Variants in HECW2 observed in about 807,000 individuals in gnomAD.
The protein encoded by HECW2 is E3 ubiquitin-protein ligase HECW2.
HECW2 carries 61 observed loss-of-function variants against 175.2 expected under a neutral mutation model. The observed-to-expected ratio is 0.35, with a 90% CI of 0.28 to 0.43. The LOEUF (loss-of-function observed/expected upper bound fraction) is 0.43, where lower values mean the gene tolerates loss of function less well. Ranked by LOEUF, HECW2 falls within the 20% of genes least tolerant of loss-of-function variation. The pLI, the probability that HECW2 is intolerant of heterozygous loss-of-function variation, is 1.00. For synonymous variants in HECW2, 671 were observed against 731.0 expected (o/e 0.92, Z 1.32); for missense variants, 1,524 against 2,000.5 (o/e 0.76, Z 4.54).
chr2:196,213,728 A>G (rs1308256985), intron 28 of HECW2, among the ~76,000 whole-genome samples: 1 of 152,216 alleles, frequency 6.6e-6, no homozygotes, highest in Admixed American at 6.5e-5. Flanking sequence ...ATAATGAAGA[A>G]TACCACCATT....
At chr2:196,237,453 A>G (rs1371853860) in intron 21 of HECW2, among the ~76,000 whole-genome samples, 11 of 152,118 alleles carry the variant, frequency 7.2e-5, no homozygotes, top group Non-Finnish European at 1.3e-4. Context: ...TTGGTTTTCC[A>G]TTCTTGAGTT....
At chr2:196,356,082 GA>G (rs1238109627) in intron 2 of HECW2, among the ~76,000 whole-genome samples, 1 of 152,202 alleles carries the variant, frequency 6.6e-6, no homozygotes, top group Non-Finnish European at 1.5e-5. Context: ...CAGAGAGTGG[GA>G]GAAGAAGACA....
At chr2:196,386,064 G>A (rs890233918) in intron 2 of HECW2, among the ~76,000 whole-genome samples, 5 of 152,110 alleles carry the variant, frequency 3.3e-5, no homozygotes, top group African/African-American at 4.8e-5. Context: ...TCGGACTAAC[G>A]AGATGGTAGA....
chr2:196,216,925 G>A, intron 27 of HECW2, 83 bp downstream of exon 27: 1 of 910,748 alleles, frequency 1.1e-6, no homozygotes, highest in Non-Finnish European at 1.6e-6. Context: ...TGTTTATGGA[G>A]AATAGTTAGC....
At chr2:196,460,255 A>G (rs191368076) in intron 1 of HECW2, among the ~76,000 whole-genome samples, 9 of 152,356 alleles carry the variant, frequency 5.9e-5, no homozygotes, top group Admixed American at 4.6e-4. Context: ...CATAATTAAA[A>G]GACTCTAAGA....
chr2:196,586,928 T>G (rs1691003731), intron 1 of HECW2, among the ~76,000 whole-genome samples: 1 of 152,126 alleles, frequency 6.6e-6, no homozygotes, highest in African/African-American at 2.4e-5. Context: ...GTAATCGCTC[T>G]TCCACACTCC....
intron 1 of HECW2, among the ~76,000 whole-genome samples, chr2:196,476,947 CAAAAAAAAAAAAAA>C (rs35714216): frequency 5.2e-5 from 3 of 57,404 alleles, no homozygotes; most frequent in African/African-American, 2.0e-4. Context: ...CCCATCTCCA[CAAAAAAAAAAAAAA>C]AAAAAAAAAA....
intron 1 of HECW2, among the ~76,000 whole-genome samples, chr2:196,443,904 G>T (rs1377524657): frequency 6.6e-6 from 1 of 152,104 alleles, no homozygotes; most frequent in Non-Finnish European, 1.5e-5. Flanking sequence ...GCATGGTGGC[G>T]TGCGCCTATA....
intron 26 of HECW2, chr2:196,217,373 C>G: frequency 3.2e-6 from 1 of 311,266 alleles, no homozygotes. Flanking sequence ...TTATTTTAAC[C>G]ATATCATTTC....
At chr2:196,459,917 C>T (rs769917028) in intron 1 of HECW2, among the ~76,000 whole-genome samples, 1 of 152,128 alleles carries the variant, frequency 6.6e-6, no homozygotes, top group Non-Finnish European at 1.5e-5. Context: ...GCTGTGCATG[C>T]GCATGTTTCT....
chr2:196,404,819 CTTTTTTTTTTTT>C (rs71012909), intron 2 of HECW2, among the ~76,000 whole-genome samples: 1 of 80,378 alleles, frequency 1.2e-5, no homozygotes, highest in Non-Finnish European at 2.2e-5. Context: ...TTTTTCTTCT[CTTTTTTTTTTTT>C]TTTTTTTTTT....
chr2:196,265,926 A>G (rs991065019), intron 17 of HECW2, among the ~76,000 whole-genome samples: 56 of 152,138 alleles, frequency 3.7e-4, no homozygotes, highest in African/African-American at 1.3e-3. Flanking sequence ...ACAAAATCTT[A>G]AGAGCTATAC....
Position 196,248,083 on chromosome 2 carries a change from G to T in HECW2, c.3529+5837C>A, listed in dbSNP as rs537285857. ...AACAAAAAACACGTCCAAATCCCTG[G>T]CACAAAGCACAAGCACTGAAAACCT... On this transcript the variant is annotated intron_variant, in intron 19 of 28. Transcript: ENST00000644978. Among the ~76,000 whole-genome samples, 5 of 152,256 alleles carry T rather than the reference G, an allele frequency of 3.3e-5. No individual in the cohort carries two copies. The South Asian group carries it at 1.0e-3, about 32-fold the overall frequency.
intron 1 of HECW2, among the ~76,000 whole-genome samples, chr2:196,526,558 G>C (rs929387704): frequency 6.6e-6 from 1 of 151,336 alleles, no homozygotes; most frequent in Non-Finnish European, 1.5e-5. Context: ...GGCGCTCTGC[G>C]TTTTAGAGTT....
chr2:196,498,743 A>G (rs935682861), intron 1 of HECW2, among the ~76,000 whole-genome samples: 2 of 152,186 alleles, frequency 1.3e-5, no homozygotes, highest in African/African-American at 4.8e-5. Context: ...CTAACCAGTC[A>G]TTGTTTTATA....
At chr2:196,517,155 A>C (rs1004642287) in intron 1 of HECW2, among the ~76,000 whole-genome samples, 1 of 152,140 alleles carries the variant, frequency 6.6e-6, no homozygotes, top group African/African-American at 2.4e-5. Flanking sequence ...ACAAGGAGGC[A>C]CTCATCTCAT....
chr2:196,553,886 T>C (rs1305792306), intron 1 of HECW2, among the ~76,000 whole-genome samples: 1 of 152,234 alleles, frequency 6.6e-6, no homozygotes, highest in Non-Finnish European at 1.5e-5. Context: ...TATGTGCTAG[T>C]GTCACTTCCA....
intron 15 of HECW2, among the ~76,000 whole-genome samples, chr2:196,275,572 T>A (rs535121542): frequency 1.3e-5 from 2 of 152,016 alleles, no homozygotes; most frequent in Non-Finnish European, 1.5e-5. Flanking sequence ...GCCAACATGG[T>A]GAAACCCCAT....
intron 1 of HECW2, among the ~76,000 whole-genome samples, chr2:196,445,246 G>A (rs1330528090): frequency 4.6e-5 from 7 of 152,276 alleles, no homozygotes; most frequent in African/African-American, 1.7e-4. Context: ...TGCTACCAGT[G>A]AGAAAATAAC....
Sources: gnomAD v4.1 joint callset for allele counts (sites outside exome capture counted in the v4.1 genomes callset) on GRCh38, gnomAD v4.1.1 for gene constraint, MANE v1.5 for transcripts, NCBI Gene and HGNC (gene_info 2026-07-23, HGNC 2026-07-21) for gene names.